FHIT: variants seen among roughly 807,000 people sequenced by gnomAD.
FHIT encodes the protein fragile histidine triad diadenosine triphosphatase.
A neutral mutation model predicts 17.9 loss-of-function variants in FHIT; 19 were observed. That is an observed-to-expected ratio of 1.06 (90% CI 0.74 to 1.56). The LOEUF is 1.56. Among genes scored for constraint, FHIT ranks in the 40% most tolerant of loss-of-function variants. The pLI, the probability that FHIT is intolerant of heterozygous loss-of-function variation, is 0.00. For synonymous variants in FHIT, 81 were observed against 69.7 expected, an observed-to-expected ratio of 1.16 and a Z score of -0.81; for missense variants, 248 against 189.2, an observed-to-expected ratio of 1.31 and a Z score of -1.82.
At chr3:59,901,746 G>T (rs1175369575) in intron 8 of FHIT, among the ~76,000 whole-genome samples, 1 of 151,980 alleles carries the variant, frequency 6.6e-6, no homozygotes, top group East Asian at 1.9e-4. Context: ...TTAAACATAG[G>T]GTTACCTTAT....
intron 5 of FHIT, among the ~76,000 whole-genome samples, chr3:60,151,109 C>T (rs919999034): frequency 3.3e-5 from 5 of 152,066 alleles, no homozygotes; most frequent in Admixed American, 2.6e-4. Flanking sequence ...ATGCATCATC[C>T]AAGGAACTCT....
intron 4 of FHIT, among the ~76,000 whole-genome samples, chr3:60,789,541 A>G (rs1700707429): frequency 6.6e-6 from 1 of 151,978 alleles, no homozygotes; most frequent in African/African-American, 2.4e-5. Context: ...ACAAAATACC[A>G]AGGTTAACCT....
intron 3 of FHIT, among the ~76,000 whole-genome samples, chr3:60,888,486 T>C (rs376591877): frequency 1.9e-4 from 29 of 151,866 alleles, no homozygotes; most frequent in African/African-American, 6.8e-4. Context: ...AAGATCCCTT[T>C]TAAATTTTCT....
chr3:60,378,451 G>A lies in FHIT; in HGVS notation c.103+158409C>T, dbSNP rs1051477143. On this transcript the variant is annotated intron_variant, in intron 5 of 9. Transcript: ENST00000492590. Reference sequence around the variant, plus strand: ...AGAGCTTACAAACCAAGACCATCAGGGTACATGTGGCACTTTCATTTTTCT... The same window carrying A: ...AGAGCTTACAAACCAAGACCATCAGAGTACATGTGGCACTTTCATTTTTCT... Among the ~76,000 whole-genome samples the A allele has an allele frequency of 7.9e-5, 12 of 152,168 alleles. 1 individual carries two copies. The highest frequency in any genetic ancestry group is 4.6e-4 in the Admixed American group (7 of 15,282).
At chr3:60,002,819 G>A (rs1026942269) in intron 7 of FHIT, among the ~76,000 whole-genome samples, 7 of 152,258 alleles carry the variant, frequency 4.6e-5, no homozygotes, top group Admixed American at 4.6e-4. Context: ...AATTTGAGAT[G>A]AGTATCAAGA....
intron 3 of FHIT, among the ~76,000 whole-genome samples, chr3:60,948,393 T>A (rs1354759693): frequency 6.6e-6 from 1 of 152,232 alleles, no homozygotes; most frequent in African/African-American, 2.4e-5. Flanking sequence ...ATTTCTAGTA[T>A]GTGACCCAGG....
intron 5 of FHIT, among the ~76,000 whole-genome samples, chr3:60,063,529 AATCT>A (rs1702378131): frequency 6.6e-6 from 1 of 152,094 alleles, no homozygotes; most frequent in South Asian, 2.1e-4. Flanking sequence ...TGCCAAACAA[AATCT>A]ACCTAAAAAA....
intron 3 of FHIT, among the ~76,000 whole-genome samples, chr3:60,838,750 G>T (rs1445161607): frequency 6.6e-6 from 1 of 151,552 alleles, no homozygotes; most frequent in Non-Finnish European, 1.5e-5. Flanking sequence ...CAGGCTACAA[G>T]AAACTGATTC....
chr3:60,394,358 T>C lies in FHIT; in HGVS notation c.103+142502A>G, dbSNP rs367876650. Among the ~76,000 whole-genome samples the C allele has an allele frequency of 5.9e-5, 9 of 152,312 alleles. 1 individual carries two copies. Among genetic ancestry groups the C allele is most frequent in the South Asian group, 4.1e-4 (2 of 4,822 alleles). ...ATGCCCACTTAAAGCTTAGGCAGCA[T>C]GCCCTGCCTCTCCTTACTTTCCATT... On this transcript the variant is annotated intron_variant, in intron 5 of 9. Coordinates refer to ENST00000492590, the MANE Select transcript of FHIT (RefSeq NM_002012.4).
intron 4 of FHIT, among the ~76,000 whole-genome samples, chr3:60,561,966 A>AGAG (rs1559541586): frequency 7.5e-5 from 11 of 145,976 alleles, no homozygotes; most frequent in Non-Finnish European, 1.2e-4. Context: ...GAGAGAGAGA[A>AGAG]AGATAATTCT....
intron 5 of FHIT, chr3:60,077,266 AGTATGT>A (rs1236141820): frequency 1.3e-5 from 2 of 152,062 alleles, no homozygotes; most frequent in Non-Finnish European, 1.5e-5. Flanking sequence ...ATATATATAT[AGTATGT>A]GTATAAGTAC....
intron 3 of FHIT, among the ~76,000 whole-genome samples, chr3:60,959,486 T>G (rs1553779915): frequency 6.6e-6 from 1 of 152,176 alleles, no homozygotes; most frequent in Non-Finnish European, 1.5e-5. Context: ...ATATTATATG[T>G]GGTTTCTGAA....
intron 7 of FHIT, among the ~76,000 whole-genome samples, chr3:60,002,998 A>C (rs574431799): frequency 6.6e-6 from 1 of 152,340 alleles, no homozygotes; most frequent in African/African-American, 2.4e-5. Flanking sequence ...AGGCATGAGA[A>C]CTAGCTATAT....
At position 60,559,625 on chromosome 3, in the gene FHIT, T is replaced by A. The variant is rs569212384; in HGVS notation, c.-17-22646A>T. The stretch of plus-strand genomic sequence containing the variant: ...TCCTCAAAAACTGCCCCACAAGAGG[T>A]CTCTCACTAACCAAGCGCTTGCTAA... On this transcript the variant is annotated intron_variant, in intron 4 of 9. Transcript: ENST00000492590. 3.9e-5 allele frequency among the ~76,000 whole-genome samples: 6 copies of A among 151,982 alleles called. No homozygotes were observed. In the South Asian group the frequency reaches 8.3e-4, roughly 21 times the overall value.
chr3:59,982,857 CATAATTACTAAATCCA>C (rs1708714845), intron 7 of FHIT, among the ~76,000 whole-genome samples: 1 of 152,142 alleles, frequency 6.6e-6, no homozygotes, highest in South Asian at 2.1e-4. Context: ...ACATTACTGG[CATAATTACTAAATCCA>C]AAGTTTTCTA....
intron 8 of FHIT, among the ~76,000 whole-genome samples, chr3:59,841,969 T>C (rs1212555953): frequency 6.6e-6 from 1 of 152,148 alleles, no homozygotes; most frequent in African/African-American, 2.4e-5. Flanking sequence ...ATAAGTACAT[T>C]TACATTGTGG....
At chr3:59,799,508 A>G (rs1156470249) in intron 8 of FHIT, among the ~76,000 whole-genome samples, 2 of 152,182 alleles carry the variant, frequency 1.3e-5, no homozygotes, top group Non-Finnish European at 2.9e-5. Context: ...GGGAGGGGAG[A>G]AAGTGGAAAC....
At chr3:60,039,015 C>G (rs1442483754) in intron 5 of FHIT, among the ~76,000 whole-genome samples, 1 of 152,144 alleles carries the variant, frequency 6.6e-6, no homozygotes, top group African/African-American at 2.4e-5. Flanking sequence ...TCTGAACTTT[C>G]ATGACACTCC....
Position 60,077,738 on chromosome 3 carries a change from A to AGAC in FHIT, c.104-63587_104-63586insGTC, listed in dbSNP as rs1553677447. 3.6e-4 allele frequency among the ~76,000 whole-genome samples: 44 copies of AGAC among 122,612 alleles called. 1 individual carries two copies. The highest frequency in any genetic ancestry group is 1.3e-3 in the African/African-American group (37 of 29,488). The allele number at this position is 122,612 out of a possible 152,430, so 80.4% of individuals were successfully genotyped here. A position where few individuals can be genotyped will look rare whatever the true frequency, so the allele number is the denominator to read the frequency against. ...CACACACACACACACACATATATAG[A>AGAC]GGGGGGGGGGAGGATACAAAGTAAC... On this transcript the variant is annotated intron_variant, in intron 5 of 9. Transcript: ENST00000492590.
Sources: gnomAD v4.1 joint callset for allele counts (sites outside exome capture counted in the v4.1 genomes callset) on GRCh38, gnomAD v4.1.1 for gene constraint, MANE v1.5 for transcripts, NCBI Gene and HGNC (gene_info 2026-07-23, HGNC 2026-07-21) for gene names.